LRRD1: variants seen among roughly 807,000 people sequenced by gnomAD.
LRRD1 encodes leucine rich repeats and death domain containing 1, also known as leucine-rich repeat and death domain-containing protein 1.
In LRRD1, 49 loss-of-function variants were observed where a neutral mutation model predicts 69.5. The observed-to-expected ratio is 0.70, with a 90% CI of 0.56 to 0.89. The LOEUF is 0.89. LRRD1 is among the 40% of genes least tolerant of loss of function. The pLI is 0.00. For missense variants in LRRD1, 853 were observed against 956.0 expected, an observed-to-expected ratio of 0.89 and a Z score of 1.42; for synonymous variants, 303 against 338.9, an observed-to-expected ratio of 0.89 and a Z score of 1.16.
intron 3 of LRRD1, among the ~76,000 whole-genome samples, chr7:92,157,866 C>T (rs768414129): frequency 2.6e-5 from 4 of 152,012 alleles, no homozygotes; most frequent in Non-Finnish European, 5.9e-5. Context: ...CATGAGCCAC[C>T]ATGCCCGGCC....
downstream of LRRD1, chr7:92,142,431 G>A (rs1291688543): frequency 2.2e-6 from 1 of 456,702 alleles, no homozygotes; most frequent in Non-Finnish European, 4.4e-6. Flanking sequence ...CACTGTGCAT[G>A]ATATACCAAG....
chr7:92,144,161 G>A (rs1584646991), downstream of LRRD1, among the ~76,000 whole-genome samples: 3 of 152,146 alleles, frequency 2.0e-5, no homozygotes, highest in East Asian at 1.9e-4. Context: ...GTTTAACAAA[G>A]CTATCCCATT....
At chr7:92,159,768 C>A (rs1788758611) in intron 2 of LRRD1, among the ~76,000 whole-genome samples, 1 of 151,866 alleles carries the variant, frequency 6.6e-6, no homozygotes, top group African/African-American at 2.4e-5. Flanking sequence ...ATCACAGGTG[C>A]CCAGCACCAC....
chr7:92,142,444 T>TA (rs1304378477), downstream of LRRD1: 1 of 456,578 alleles, frequency 2.2e-6, no homozygotes, highest in Non-Finnish European at 4.4e-6. Flanking sequence ...ATACCAAGAC[T>TA]AAAAGACTCA....
At chr7:92,143,354 C>T (rs1462092123), downstream of LRRD1, among the ~76,000 whole-genome samples, 2 of 152,184 alleles carry the variant, frequency 1.3e-5, no homozygotes, top group African/African-American at 4.8e-5. Flanking sequence ...CCTGTCAATC[C>T]CGCACCGTGT....
chr7:92,142,963 G>A (rs191941699), downstream of LRRD1: 164 of 255,800 alleles, frequency 6.4e-4, 1 homozygote, highest in Non-Finnish European at 1.1e-3. Flanking sequence ...GCCACTGCTG[G>A]CTCAGGCAGC....
downstream of LRRD1, among the ~76,000 whole-genome samples, chr7:92,143,463 G>A (rs1444027666): frequency 1.3e-5 from 2 of 152,184 alleles, no homozygotes; most frequent in African/African-American, 2.4e-5. Context: ...GGAGCCCACG[G>A]AAGTGGGGGA....
downstream of LRRD1, among the ~76,000 whole-genome samples, chr7:92,143,393 G>A (rs1283475547): frequency 4.2e-5 from 6 of 144,104 alleles, no homozygotes; most frequent in Admixed American, 2.8e-4. Context: ...TTGGATGGTC[G>A]ATGGGTCTGG....
At chr7:92,162,003 C>G (rs1448492803) in intron 2 of LRRD1, among the ~76,000 whole-genome samples, 2 of 152,086 alleles carry the variant, frequency 1.3e-5, no homozygotes, top group Non-Finnish European at 2.9e-5. Flanking sequence ...GAGATACCAA[C>G]AGTTATCTTA....
intron 3 of LRRD1, among the ~76,000 whole-genome samples, chr7:92,152,423 G>A (rs1820493990): frequency 6.6e-6 from 1 of 151,800 alleles, no homozygotes; most frequent in Non-Finnish European, 1.5e-5. Context: ...TCCAGTTTTG[G>A]CAATTACAAA....
At chr7:92,177,989 G>T (rs1184945043) in intron 1 of LRRD1, among the ~76,000 whole-genome samples, 1 of 152,176 alleles carries the variant, frequency 6.6e-6, no homozygotes, top group Non-Finnish European at 1.5e-5. Flanking sequence ...ATATTGCATT[G>T]AAGAGGCTGC....
At chr7:92,143,184 T>C (rs1035893650), downstream of LRRD1, among the ~76,000 whole-genome samples, 4 of 152,100 alleles carry the variant, frequency 2.6e-5, no homozygotes, top group African/African-American at 9.7e-5. Flanking sequence ...AGGGTGCTGA[T>C]TGGTGTGTTT....
intron 3 of LRRD1, among the ~76,000 whole-genome samples, chr7:92,151,935 G>A (rs1978062): frequency 0.033 from 4,972 of 148,512 alleles, 250 homozygotes; most frequent in African/African-American, 0.11. Flanking sequence ...GGAGACAAGA[G>A]CGGAACTCCA....
chr7:92,166,045 G>C (rs1172945210), intron 1 of LRRD1, among the ~76,000 whole-genome samples: 2 of 151,986 alleles, frequency 1.3e-5, no homozygotes, highest in African/African-American at 4.8e-5. Context: ...CTTAAGGAAG[G>C]GTACGCTTTC....
At chr7:92,178,241 C>T (rs1190143748) in intron 1 of LRRD1, among the ~76,000 whole-genome samples, 2 of 151,308 alleles carry the variant, frequency 1.3e-5, no homozygotes, top group Non-Finnish European at 2.9e-5. Flanking sequence ...TGAACCCGGG[C>T]GGTGGAGGTT....
At chr7:92,155,120 T>A (rs887620189) in intron 3 of LRRD1, among the ~76,000 whole-genome samples, 34 of 152,244 alleles carry the variant, frequency 2.2e-4, no homozygotes, top group African/African-American at 6.0e-4. Context: ...TTGAGAACTC[T>A]CACCTTTTCA....
intron 1 of LRRD1, among the ~76,000 whole-genome samples, chr7:92,174,470 AATATAT>A (rs1186084706): frequency 0.023 from 464 of 20,212 alleles, 23 homozygotes; most frequent in African/African-American, 0.029. Flanking sequence ...TATCAATTAG[AATATAT>A]ATATATATAT....
At chr7:92,142,615 A>G (rs907283628), downstream of LRRD1, 27 of 433,976 alleles carry the variant, frequency 6.2e-5, no homozygotes, top group Middle Eastern at 5.9e-4. Context: ...TCAGTGTTAC[A>G]GCTCTTAAGA....
At chr7:92,142,550 G>A (rs1349849990), downstream of LRRD1, 15 of 456,160 alleles carry the variant, frequency 3.3e-5, no homozygotes, top group South Asian at 1.5e-4. Context: ...AATTGTGTCC[G>A]GAATTGGTGG....
Sources: allele counts gnomAD v4.1 joint callset (sites outside exome capture counted in the v4.1 genomes callset), GRCh38; gene constraint gnomAD v4.1.1; transcripts MANE v1.5; gene names NCBI Gene and HGNC (gene_info 2026-07-23, HGNC 2026-07-21).